The following BMPR1B variants were observed in gnomAD, a reference collection of about 807,000 sequenced individuals.
BMPR1B encodes bone morphogenetic protein receptor type-1B.
Under a neutral mutation model 59.1 loss-of-function variants are expected in BMPR1B, and 12 were observed. That is an observed-to-expected ratio of 0.20 (90% CI 0.13 to 0.33). The LOEUF (loss-of-function observed/expected upper bound fraction) is 0.33, where lower values mean the gene tolerates loss of function less well. Among genes scored for constraint, BMPR1B ranks in the 10% least tolerant of loss-of-function variants. The pLI, the probability that BMPR1B is intolerant of heterozygous loss-of-function variation, is 1.00. For synonymous variants in BMPR1B, 237 were observed against 207.3 expected (o/e 1.14, Z -1.23); for missense variants, 550 against 610.9 (o/e 0.90, Z 1.05).
At chr4:94,884,560 A>G (rs1319838862) in intron 2 of BMPR1B, among the ~76,000 whole-genome samples, 1 of 152,060 alleles carries the variant, frequency 6.6e-6, no homozygotes, top group Non-Finnish European at 1.5e-5. Context: ...AGTCAGTTAA[A>G]TGGAGGATAC....
intron 3 of BMPR1B, among the ~76,000 whole-genome samples, chr4:95,058,012 G>A (rs977413690): frequency 1.3e-5 from 2 of 152,100 alleles, no homozygotes; most frequent in Admixed American, 6.6e-5. Context: ...ATAGAAATTC[G>A]GGATGTCAAC....
At chr4:95,006,481 G>T (rs2149116804) in intron 3 of BMPR1B, among the ~76,000 whole-genome samples, 1 of 149,506 alleles carries the variant, frequency 6.7e-6, no homozygotes, top group African/African-American at 2.5e-5. Context: ...AAGGTTAAAT[G>T]ACAATACTTA....
chr4:95,144,318 G>A (rs925680690), intron 10 of BMPR1B, among the ~76,000 whole-genome samples: 31 of 152,022 alleles, frequency 2.0e-4, no homozygotes, highest in Non-Finnish European at 3.1e-4. Flanking sequence ...GGGGCTACAG[G>A]CATGTGCCAC....
At chr4:95,088,280 T>A (rs1054563705) in intron 3 of BMPR1B, among the ~76,000 whole-genome samples, 17 of 152,158 alleles carry the variant, frequency 1.1e-4, no homozygotes, top group African/African-American at 4.1e-4. Context: ...TCATAACTAA[T>A]GGTCTCTCTG....
At chr4:94,963,016 A>G (rs1296290416) in intron 2 of BMPR1B, among the ~76,000 whole-genome samples, 1 of 152,124 alleles carries the variant, frequency 6.6e-6, no homozygotes, top group East Asian at 1.9e-4. Flanking sequence ...AGGCCATTTT[A>G]ACTGGGGTAG....
chr4:94,768,131 G>A (rs1179407942), intron 1 of BMPR1B, among the ~76,000 whole-genome samples: 1 of 151,842 alleles, frequency 6.6e-6, no homozygotes, highest in African/African-American at 2.4e-5. Flanking sequence ...GCACATTAAA[G>A]ATTTTGTGTA....
At chr4:94,917,029 C>T (rs547152871) in intron 2 of BMPR1B, among the ~76,000 whole-genome samples, 4 of 152,362 alleles carry the variant, frequency 2.6e-5, no homozygotes, top group African/African-American at 7.2e-5. Flanking sequence ...AAGCCATAAG[C>T]CTTGCCTGCT....
At chr4:94,841,261 C>G (rs1436303451) in intron 1 of BMPR1B, among the ~76,000 whole-genome samples, 2 of 145,482 alleles carry the variant, frequency 1.4e-5, no homozygotes, top group Non-Finnish European at 3.1e-5. Context: ...CAGAGGCAGG[C>G]AGGCCTCCTT....
intron 2 of BMPR1B, among the ~76,000 whole-genome samples, chr4:94,974,379 C>T (rs990184389): frequency 2.0e-5 from 3 of 151,462 alleles, no homozygotes; most frequent in African/African-American, 7.3e-5. Context: ...TTTTTTCATG[C>T]TGAATCTTAT....
intron 1 of BMPR1B, among the ~76,000 whole-genome samples, chr4:94,789,490 G>A (rs909254955): frequency 6.6e-6 from 1 of 152,136 alleles, no homozygotes; most frequent in African/African-American, 2.4e-5. Context: ...GGCTAAAGGC[G>A]TTGTTGATGT....
At chr4:94,902,690 C>T (rs1316288743) in intron 2 of BMPR1B, among the ~76,000 whole-genome samples, 5 of 151,840 alleles carry the variant, frequency 3.3e-5, no homozygotes, top group Non-Finnish European at 7.4e-5. Flanking sequence ...TTGCTTAATA[C>T]ATATGTTGGG....
chr4:94,997,765 T>A, intron 3 of BMPR1B, among the ~76,000 whole-genome samples: 1 of 152,184 alleles, frequency 6.6e-6, no homozygotes, highest in East Asian at 1.9e-4. Flanking sequence ...CTGGCTAAGT[T>A]CATCAATCAA....
chr4:94,792,316 G>T (rs1483541690), intron 1 of BMPR1B, among the ~76,000 whole-genome samples: 1 of 152,090 alleles, frequency 6.6e-6, no homozygotes, highest in Non-Finnish European at 1.5e-5. Flanking sequence ...TTCTCTAAGT[G>T]TTCTCAGGGC....
chr4:94,759,297 A>G (rs1721665603), intron 1 of BMPR1B, among the ~76,000 whole-genome samples: 3 of 152,256 alleles, frequency 2.0e-5, no homozygotes, highest in Admixed American at 1.3e-4. Flanking sequence ...CCTCCAACAG[A>G]TAAAGAAAAT....
rs10649707 is a variant in BMPR1B at position 94,978,949 on chromosome 4, TACAC to T, written c.-112-17064_-112-17061del. ...AGAGCAAGACACCATCACACATACA[TACAC>T]ACACACACACACACACACACACACA... On this transcript the variant is annotated intron_variant, in intron 2 of 12. Transcript: ENST00000515059. 2.2e-3 allele frequency among the ~76,000 whole-genome samples: 324 copies of T among 147,712 alleles called. 2 individuals are homozygous for T. The highest frequency in any genetic ancestry group is 9.5e-3 in the South Asian group (43 of 4,512).
chr4:94,959,822 G>A (rs1730285772), intron 2 of BMPR1B, among the ~76,000 whole-genome samples: 2 of 152,020 alleles, frequency 1.3e-5, no homozygotes, highest in Non-Finnish European at 2.9e-5. Context: ...GATTTTAGTT[G>A]CAATTTGGTA....
At chr4:94,857,063 C>A (rs1725784728) in intron 1 of BMPR1B, among the ~76,000 whole-genome samples, 2 of 151,948 alleles carry the variant, frequency 1.3e-5, no homozygotes, top group Admixed American at 1.3e-4. Flanking sequence ...AAAGAGTATG[C>A]TTCAGGAACT....
In BMPR1B at chr4:94,978,013, C is replaced by A. The variant is rs372041568; in HGVS notation, c.-112-18027C>A. ...GTACATAACAAGAATCTCTTCCTTC[C>A]AATAACTTAATCCTCATTTCTCTGA... On this transcript the variant is annotated intron_variant, in intron 2 of 12. Coordinates refer to ENST00000515059, the MANE Select transcript of BMPR1B (RefSeq NM_001203.3). Among the ~76,000 whole-genome samples the A allele has an allele frequency of 6.6e-5, 10 of 152,238 alleles. No homozygotes were observed. In the South Asian group the frequency reaches 2.1e-3, roughly 32 times the overall value.
chr4:94,899,850 A>G (rs1727736907), intron 2 of BMPR1B, among the ~76,000 whole-genome samples: 1 of 152,026 alleles, frequency 6.6e-6, no homozygotes, highest in Admixed American at 6.6e-5. Flanking sequence ...CCCTATAAAT[A>G]CTGTTGATGT....
Sources: allele counts gnomAD v4.1 joint callset (sites outside exome capture counted in the v4.1 genomes callset), GRCh38; gene constraint gnomAD v4.1.1; transcripts MANE v1.5; gene names NCBI Gene and HGNC (gene_info 2026-07-23, HGNC 2026-07-21).